Variants in RASA3 observed in about 807,000 individuals in gnomAD.
RASA3 encodes the protein ras GTPase-activating protein 3.
Under a neutral mutation model 110.0 loss-of-function variants are expected in RASA3, and 73 were observed. The ratio of observed to expected loss-of-function variants is 0.66; its 90% CI spans 0.55 to 0.81. RASA3 has a LOEUF of 0.81. Among genes scored for constraint, RASA3 ranks in the 30% least tolerant of loss-of-function variants. The probability of loss-of-function intolerance (pLI) is 0.00; values close to 1 mark genes in which losing one functional copy is unlikely to be tolerated. For synonymous variants in RASA3, 500 were observed against 451.4 expected (o/e 1.11, Z -1.37); for missense variants, 976 against 1,113.2 (o/e 0.88, Z 1.75).
chr13:114,105,633 G>A (rs995129091), intron 1 of RASA3, among the ~76,000 whole-genome samples: 1 of 152,186 alleles, frequency 6.6e-6, no homozygotes, highest in Non-Finnish European at 1.5e-5. Context: ...CCTCCGCCTC[G>A]CTTCACCCAG....
chr13:114,097,042 G>A (rs990406158), intron 1 of RASA3, among the ~76,000 whole-genome samples: 1 of 152,158 alleles, frequency 6.6e-6, no homozygotes, highest in Non-Finnish European at 1.5e-5. Flanking sequence ...GTCCCTGAGT[G>A]TTCATGGCGT....
intron 14 of RASA3, among the ~76,000 whole-genome samples, chr13:114,013,922 CCG>C (rs879830699): frequency 0.11 from 10,282 of 92,940 alleles, 1,664 homozygotes; most frequent in African/African-American, 0.34. Context: ...CTCTCTCTCT[CCG>C]TCTCTCTCTC....
intron 17 of RASA3, among the ~76,000 whole-genome samples, chr13:114,008,026 TCC>T (rs1185911856): frequency 1.4e-3 from 30 of 22,016 alleles, no homozygotes; most frequent in South Asian, 2.8e-3. Flanking sequence ...GCCTGGATAT[TCC>T]CCCCACGCAC....
intron 4 of RASA3, among the ~76,000 whole-genome samples, chr13:114,034,064 G>A (rs572399947): frequency 3.8e-4 from 58 of 152,268 alleles, no homozygotes; most frequent in African/African-American, 1.4e-3. Flanking sequence ...TGGGCTAAAG[G>A]AGTGCCCTGA....
rs2054130913 is a variant in RASA3 at position 114,030,423 on chromosome 13, CACA to C, written c.373-539_373-537del. Among the ~76,000 whole-genome samples the C allele has an allele frequency of 3.9e-5, 3 of 77,902 alleles. 1 individual carries two copies. The highest frequency in any genetic ancestry group is 8.6e-4 in the South Asian group (2 of 2,314). The allele number at this position is 77,902 out of a possible 152,430, so 51.1% of individuals were successfully genotyped here. ...AGACTCACGCAGAGAGCAAGACTCA[CACA>C]GAGGGCAAGGCTCACACAGAGGGCA... On this transcript the variant is annotated intron_variant, in intron 4 of 23. Coordinates refer to ENST00000334062, the MANE Select transcript of RASA3 (RefSeq NM_007368.4).
intron 1 of RASA3, among the ~76,000 whole-genome samples, chr13:114,126,245 G>A (rs553168627): frequency 2.6e-5 from 4 of 151,942 alleles, no homozygotes; most frequent in African/African-American, 9.7e-5. Flanking sequence ...CGGCACCTGC[G>A]GGGCATGACA....
chr13:114,105,700 C>T (rs1290087804), intron 1 of RASA3, among the ~76,000 whole-genome samples: 4 of 152,228 alleles, frequency 2.6e-5, no homozygotes, highest in Admixed American at 6.5e-5. Context: ...ATTCCAGAAA[C>T]GACAGAAACC....
chr13:114,017,194 C>T (rs370127941), intron 12 of RASA3, 43 bp downstream of exon 12: 25 of 1,551,052 alleles, frequency 1.6e-5, no homozygotes, highest in Non-Finnish European at 2.0e-5. Flanking sequence ...GGGAAATCCT[C>T]CCCACGCCTC....
chr13:114,041,132 G>C (rs2054397082), intron 3 of RASA3, 38 bp from the exon 4 acceptor site: 1 of 1,575,060 alleles, frequency 6.3e-7, no homozygotes. Context: ...CACGGGCACA[G>C]GCCCCAGAGC....
chr13:114,067,020 G>GGGCCCCCTGACCTGGGCTGAGGACT (rs1198482597), intron 2 of RASA3, among the ~76,000 whole-genome samples: 2 of 148,930 alleles, frequency 1.3e-5, no homozygotes, highest in Non-Finnish European at 1.5e-5. Flanking sequence ...GGCTGAGGAC[G>GGGCCCCCTGACCTGGGCTGAGGACT]GGCCCCCTGA....
chr13:113,999,748 G>GCT, intron 19 of RASA3, 81 bp from the exon 20 acceptor site: 1 of 1,095,076 alleles, frequency 9.1e-7, no homozygotes, highest in Non-Finnish European at 1.3e-6. Context: ...GGTCTCTGCC[G>GCT]GGGGGTCTCC....
At chr13:114,029,925 G>A (rs371292295) in intron 4 of RASA3, 38 bp from the exon 5 acceptor site, 14 of 1,524,940 alleles carry the variant, frequency 9.2e-6, no homozygotes, top group East Asian at 2.4e-5. Context: ...AGGCTGTGGC[G>A]CTGCTCCCAC....
intron 1 of RASA3, among the ~76,000 whole-genome samples, chr13:114,103,550 A>G (rs1206954335): frequency 1.1e-3 from 118 of 105,630 alleles, no homozygotes; most frequent in Middle Eastern, 0.011. Flanking sequence ...CCACGGCCAC[A>G]GACACCCACC....
At chr13:113,990,712 T>C (rs977019281) in intron 22 of RASA3, among the ~76,000 whole-genome samples, 6 of 152,224 alleles carry the variant, frequency 3.9e-5, no homozygotes, top group Non-Finnish European at 7.4e-5. Context: ...TGTGTGGTTG[T>C]CTGCACATGT....
intron 22 of RASA3, among the ~76,000 whole-genome samples, chr13:113,988,802 T>C (rs1239221825): frequency 7.4e-6 from 1 of 136,050 alleles, no homozygotes; most frequent in East Asian, 2.4e-4. Flanking sequence ...CATCCACCCA[T>C]CACTCAACCA....
intron 2 of RASA3, among the ~76,000 whole-genome samples, chr13:114,066,383 G>C (rs993289876): frequency 2.0e-5 from 3 of 152,212 alleles, no homozygotes; most frequent in African/African-American, 7.2e-5. Flanking sequence ...GGGCAGGAGA[G>C]AGGGCCAGCG....
intron 12 of RASA3, among the ~76,000 whole-genome samples, chr13:114,016,631 G>A (rs1255956695): frequency 6.6e-6 from 1 of 152,220 alleles, no homozygotes; most frequent in Admixed American, 6.5e-5. Flanking sequence ...GCGATCAGAC[G>A]AATCGGGCTT....
chr13:114,048,519 A>G lies in RASA3; in HGVS notation c.277+3533T>C, dbSNP rs1453475295. Among the ~76,000 whole-genome samples the G allele has an allele frequency of 6.6e-6, 1 of 152,134 alleles. No individual in the cohort carries two copies. The highest frequency in any genetic ancestry group is 1.5e-5 in the Non-Finnish European group (1 of 68,006). ...GGGGGCGGAGACCCCAATGCTCCTG[A>G]CAGCACCGAGCCGGGCCTCGCGCAT... is the stretch of plus-strand genomic sequence containing the variant. On this transcript the variant is annotated intron_variant, in intron 3 of 23. Transcript: ENST00000334062. This position sits in a 1 kb window ranked among gnomAD's most constrained non-coding sequence, Gnocchi z 4.3.
intron 3 of RASA3, among the ~76,000 whole-genome samples, chr13:114,046,345 G>C (rs2079052911): frequency 6.6e-6 from 1 of 152,324 alleles, no homozygotes; most frequent in African/African-American, 2.4e-5. Context: ...GGAGGCGGCA[G>C]TGGCAGCTCT....
Sources: gnomAD v4.1 joint callset for allele counts (sites outside exome capture counted in the v4.1 genomes callset) on GRCh38, gnomAD v4.1.1 for gene constraint, Gnocchi (gnomAD v3.1) non-coding constraint, MANE v1.5 for transcripts, NCBI Gene and HGNC (gene_info 2026-07-23, HGNC 2026-07-21) for gene names.